Variants in AGBL1 observed in about 807,000 individuals in gnomAD.
The protein encoded by AGBL1 is cytosolic carboxypeptidase 4.
AGBL1 carries 130 observed loss-of-function variants against 118.9 expected under a neutral mutation model. The ratio of observed to expected loss-of-function variants is 1.09; its 90% CI spans 0.95 to 1.26. AGBL1 has a LOEUF of 1.26. Among genes scored for constraint, AGBL1 ranks in the 50% most tolerant of loss-of-function variants. AGBL1 has a pLI of 0.00. For missense variants in AGBL1, 1,584 were observed against 1,298.1 expected (o/e 1.22, Z -3.38); for synonymous variants, 555 against 478.9 (o/e 1.16, Z -2.08).
intron 22 of AGBL1, among the ~76,000 whole-genome samples, chr15:86,812,438 T>A (rs1156483): frequency 0.63 from 95,928 of 152,044 alleles, 30,326 homozygotes; most frequent in East Asian, 0.71. Context: ...TGGTATTAAA[T>A]TCACCTATGG....
chr15:86,680,079 C>G (rs529702628), intron 22 of AGBL1, among the ~76,000 whole-genome samples: 1 of 152,264 alleles, frequency 6.6e-6, no homozygotes, highest in East Asian at 1.9e-4. Context: ...GTAAAATCAT[C>G]TGTGTTCTAT....
At chr15:86,545,932 C>A (rs139843209) in intron 19 of AGBL1, 70 bp from the exon 20 acceptor site, 16 of 1,536,608 alleles carry the variant, frequency 1.0e-5, no homozygotes, top group Admixed American at 1.8e-5. Flanking sequence ...TGAGTAGATA[C>A]GATTTAAGTG....
chr15:86,169,575 G>A (rs1484135053), intron 5 of AGBL1, among the ~76,000 whole-genome samples: 2 of 152,086 alleles, frequency 1.3e-5, no homozygotes, highest in Admixed American at 6.6e-5. Context: ...TGCAATAGTC[G>A]CATATAACTT....
Position 86,434,104 on chromosome 15 carries a change from A to G in AGBL1, c.2555+36558A>G, listed in dbSNP as rs75385357. On this transcript the variant is annotated intron_variant, in intron 18 of 22. Coordinates refer to ENST00000614907, the MANE Select transcript of AGBL1 (RefSeq NM_001386094.1). The stretch of plus-strand genomic sequence containing the variant: ...GAAATATTCGATCATTCACTTACCT[A>G]GTCATTTCAGCTTTCAAAAAATTGA... Among the ~76,000 whole-genome samples, 121 of 152,312 alleles carry G rather than the reference A, an allele frequency of 7.9e-4. No individual in the cohort carries two copies. In the East Asian group the frequency reaches 0.021, roughly 26 times the overall value.
At chr15:86,916,556 G>A (rs867341708), downstream of AGBL1, among the ~76,000 whole-genome samples, 1 of 152,166 alleles carries the variant, frequency 6.6e-6, no homozygotes, top group Non-Finnish European at 1.5e-5. Context: ...TTCTTTAAGT[G>A]ATTCCGTAGC....
chr15:86,740,111 A>C (rs1306776568), intron 22 of AGBL1, among the ~76,000 whole-genome samples: 1 of 152,218 alleles, frequency 6.6e-6, no homozygotes, highest in Non-Finnish European at 1.5e-5. Context: ...AGCCTTAGTA[A>C]TTTAAAGAAT....
chr15:86,358,444 G>A (rs950288974), intron 17 of AGBL1, among the ~76,000 whole-genome samples: 3 of 151,944 alleles, frequency 2.0e-5, no homozygotes, highest in African/African-American at 7.2e-5. Flanking sequence ...GAACACTCAG[G>A]TTGTTTCAAT....
At chr15:86,976,859 G>A (rs541617717) in intron 23 of AGBL1, among the ~76,000 whole-genome samples, 9 of 151,882 alleles carry the variant, frequency 5.9e-5, no homozygotes, top group South Asian at 2.1e-4. Flanking sequence ...TGTTTATGTC[G>A]TGTATGGATC....
chr15:86,979,552 G>A (rs1057356544), intron 23 of AGBL1, among the ~76,000 whole-genome samples: 4 of 151,822 alleles, frequency 2.6e-5, no homozygotes, highest in Non-Finnish European at 5.9e-5. Context: ...GCAGTGGCGC[G>A]ATCTCGGCTC....
At chr15:86,093,761 G>T (rs1896180208) in intron 1 of AGBL1, among the ~76,000 whole-genome samples, 1 of 152,134 alleles carries the variant, frequency 6.6e-6, no homozygotes, top group Non-Finnish European at 1.5e-5. Context: ...ATGCTGAAGG[G>T]CAGGCAAGAT....
intron 16 of AGBL1, among the ~76,000 whole-genome samples, chr15:86,294,573 A>AT (rs985588419): frequency 2.0e-5 from 3 of 151,352 alleles, no homozygotes; most frequent in South Asian, 2.1e-4. Flanking sequence ...CACGTCTATT[A>AT]TTTTTTCAAT....
chr15:86,161,178 T>A (rs2077262829), intron 5 of AGBL1, among the ~76,000 whole-genome samples: 1 of 152,196 alleles, frequency 6.6e-6, no homozygotes, highest in Non-Finnish European at 1.5e-5. Flanking sequence ...CATGTCTGAT[T>A]TGTTTTGTAA....
chr15:86,989,285 G>T (rs2081314740), intron 24 of AGBL1, among the ~76,000 whole-genome samples: 1 of 152,088 alleles, frequency 6.6e-6, no homozygotes, highest in African/African-American at 2.4e-5. Context: ...ACAGGCATGA[G>T]CCACCACACC....
At chr15:86,186,063 G>T (rs777014913) in intron 5 of AGBL1, among the ~76,000 whole-genome samples, 5 of 152,118 alleles carry the variant, frequency 3.3e-5, no homozygotes, top group Non-Finnish European at 5.9e-5. Context: ...TCCAAAACTT[G>T]AACAATTGAA....
chr15:86,924,703 G>T (rs2080513144), intron 23 of AGBL1, among the ~76,000 whole-genome samples: 1 of 152,018 alleles, frequency 6.6e-6, no homozygotes, highest in Admixed American at 6.6e-5. Flanking sequence ...TCACTTTTTG[G>T]CAGCGGATAG....
At chr15:86,391,969 A>AC (rs1555477848) in intron 17 of AGBL1, among the ~76,000 whole-genome samples, 1 of 151,752 alleles carries the variant, frequency 6.6e-6, no homozygotes, top group African/African-American at 2.4e-5. Context: ...GTGAAAATTC[A>AC]TTTTTTTTAC....
At chr15:86,290,361 C>G (rs902225524) in intron 16 of AGBL1, among the ~76,000 whole-genome samples, 7 of 71,410 alleles carry the variant, frequency 9.8e-5, no homozygotes, top group Non-Finnish European at 1.7e-4. Context: ...TTTTTTTTTT[C>G]TATTTTTAAG....
intron 24 of AGBL1, among the ~76,000 whole-genome samples, chr15:87,021,885 G>A (rs907687796): frequency 5.9e-5 from 9 of 152,082 alleles, no homozygotes; most frequent in African/African-American, 1.4e-4. Context: ...TGAAGGAAGC[G>A]GATTGCTCCT....
chr15:86,608,298 G>C (rs1396182043), intron 21 of AGBL1, among the ~76,000 whole-genome samples: 1 of 152,114 alleles, frequency 6.6e-6, no homozygotes, highest in African/African-American at 2.4e-5. Flanking sequence ...CTTTGCCTTG[G>C]TTAGACACAG....
Sources: gnomAD v4.1 joint callset for allele counts (sites outside exome capture counted in the v4.1 genomes callset) on GRCh38, gnomAD v4.1.1 for gene constraint, MANE v1.5 for transcripts, NCBI Gene and HGNC (gene_info 2026-07-23, HGNC 2026-07-21) for gene names.